IDE: variants seen among roughly 807,000 people sequenced by gnomAD.
IDE encodes insulin-degrading enzyme.
Under a neutral mutation model 133.2 loss-of-function variants are expected in IDE, and 58 were observed. The observed-to-expected ratio is 0.44, with a 90% CI of 0.35 to 0.54. The LOEUF is 0.54. IDE is among the 20% of genes least tolerant of loss of function. IDE has a pLI of 0.00. For missense variants in IDE, 981 were observed against 1,234.0 expected (o/e 0.79, Z 3.07); for synonymous variants, 396 against 421.3 (o/e 0.94, Z 0.73).
At chr10:92,463,505 GTAGATCCAGGTC>G (rs1164431132) in intron 21 of IDE, among the ~76,000 whole-genome samples, 3 of 152,116 alleles carry the variant, frequency 2.0e-5, no homozygotes, top group Non-Finnish European at 2.9e-5. Flanking sequence ...TGAGATATGG[GTAGATCCAGGTC>G]TAGGTTTGGA....
intron 1 of IDE, among the ~76,000 whole-genome samples, chr10:92,560,589 C>T (rs1005774167): frequency 5.9e-5 from 9 of 151,852 alleles, no homozygotes; most frequent in Non-Finnish European, 2.9e-5. Context: ...TCAAGACGAG[C>T]CTGTTCAACA....
intron 1 of IDE, among the ~76,000 whole-genome samples, chr10:92,568,824 A>AT (rs1349246188): frequency 1.1e-4 from 16 of 149,254 alleles, no homozygotes; most frequent in African/African-American, 3.9e-4. Flanking sequence ...TCAAAAAAAA[A>AT]AATAATAATA....
At chr10:92,565,136 A>G (rs1305933706) in intron 1 of IDE, among the ~76,000 whole-genome samples, 1 of 151,252 alleles carries the variant, frequency 6.6e-6, no homozygotes, top group African/African-American at 2.4e-5. Context: ...AATTCCAGCT[A>G]CTCAGGAGGA....
chr10:92,530,271 T>TA (rs1303112410), intron 4 of IDE, among the ~76,000 whole-genome samples: 1 of 150,896 alleles, frequency 6.6e-6, no homozygotes, highest in East Asian at 2.0e-4. Context: ...CATTTGAATG[T>TA]AATGCTTTTG....
At chr10:92,462,621 TA>T (rs1284270907) in intron 21 of IDE, among the ~76,000 whole-genome samples, 1 of 151,942 alleles carries the variant, frequency 6.6e-6, no homozygotes, top group Non-Finnish European at 1.5e-5. Flanking sequence ...AAAAAAATAA[TA>T]AGTGGATGTA....
intron 5 of IDE, 53 bp from the exon 6 acceptor site, chr10:92,510,215 C>G: frequency 1.1e-6 from 1 of 895,016 alleles, no homozygotes; most frequent in Non-Finnish European, 1.8e-6. Flanking sequence ...TAACATCCAA[C>G]AGGGAGTGCT....
At chr10:92,535,346 G>T (rs567662872) in intron 2 of IDE, among the ~76,000 whole-genome samples, 1 of 152,094 alleles carries the variant, frequency 6.6e-6, no homozygotes, top group Admixed American at 6.6e-5. Context: ...CTCGTGATCC[G>T]CCAGCCTCGG....
chr10:92,494,048 A>T (rs1847535444), intron 11 of IDE, among the ~76,000 whole-genome samples: 1 of 152,138 alleles, frequency 6.6e-6, no homozygotes, highest in Admixed American at 6.6e-5. Context: ...GTAGCATTTT[A>T]GACCATCTGC....
intron 4 of IDE, among the ~76,000 whole-genome samples, chr10:92,522,232 C>T (rs1194444106): frequency 6.6e-6 from 1 of 152,152 alleles, no homozygotes; most frequent in African/African-American, 2.4e-5. Context: ...ATTGGGTTCT[C>T]TTTTTCTATT....
chr10:92,524,417 TTA>T (rs1333572045), intron 4 of IDE, among the ~76,000 whole-genome samples: 3 of 76,864 alleles, frequency 3.9e-5, no homozygotes, highest in East Asian at 2.9e-4. Flanking sequence ...ATATATTATA[TTA>T]TATATAATAT....
chr10:92,567,359 C>G (rs1843603762), intron 1 of IDE, among the ~76,000 whole-genome samples: 1 of 152,208 alleles, frequency 6.6e-6, no homozygotes, highest in Non-Finnish European at 1.5e-5. Context: ...TCAGGCTTCT[C>G]TGACTCCCAC....
At position 92,470,299 on chromosome 10, in the gene IDE, T is replaced by C. The variant is rs758275839; in HGVS notation, c.2163A>G (p.Ser721=). The change falls in exon 18 of 25, where the codon TCA becomes TCG. Residue 721 remains serine (S), a synonymous_variant. Transcript: ENST00000265986. The part of the protein sequence containing the change: ...RLKAFIPQLL[S]RLHIEALLHG... ...GGAGAAGGGCTTCAATGTGCAGCCG[T>C]GACAGGAGCTGAGGTATGAAGGCCT... 5.6e-6 allele frequency: 9 copies of C among 1,606,128 alleles called. No individual in the cohort carries two copies. The highest frequency in any genetic ancestry group is 7.7e-6 in the Non-Finnish European group (9 of 1,175,882).
intron 9 of IDE, among the ~76,000 whole-genome samples, chr10:92,507,053 ACC>A (rs1281263683): frequency 6.6e-6 from 1 of 151,668 alleles, no homozygotes; most frequent in Admixed American, 6.6e-5. Context: ...ATTTTTAAAA[ACC>A]CTTTTTTAAA....
At chr10:92,562,691 C>T (rs537947844) in intron 1 of IDE, among the ~76,000 whole-genome samples, 1 of 152,096 alleles carries the variant, frequency 6.6e-6, no homozygotes, top group Non-Finnish European at 1.5e-5. Flanking sequence ...TGGCCATCAG[C>T]AGAGCATACA....
At chr10:92,530,018 G>A (rs1201509981) in intron 4 of IDE, among the ~76,000 whole-genome samples, 2 of 152,042 alleles carry the variant, frequency 1.3e-5, no homozygotes, top group Non-Finnish European at 2.9e-5. Flanking sequence ...CTGAGATCAG[G>A]ATTTTGAGAC....
chr10:92,508,646 A>C lies in IDE; in HGVS notation c.1060+82T>G, dbSNP rs890547377. ...TGGTCACATCTAACAATGTTCCTTC[A>C]TAGGACACTATTCAGGAGAAAATGA... On this transcript the variant is annotated intron_variant, in intron 7 of 24. Coordinates refer to ENST00000265986, the MANE Select transcript of IDE (RefSeq NM_004969.4). 8 of 1,309,172 alleles carry C rather than the reference A, an allele frequency of 6.1e-6. 1 individual carries two copies. In the African/African-American group the frequency reaches 1.2e-4, roughly 19 times the overall value. 81.1% of individuals were successfully genotyped at this position (1,309,172 alleles called of 1,614,324 possible).
intron 22 of IDE, 39 bp downstream of exon 22, chr10:92,461,152 T>G: frequency 1.0e-6 from 1 of 1,001,572 alleles, no homozygotes; most frequent in Non-Finnish European, 1.6e-6. Context: ...TATAATACTT[T>G]CATATCAGTC....
At chr10:92,559,287 C>T (rs1320296818) in intron 1 of IDE, 1 of 152,178 alleles carries the variant, frequency 6.6e-6, no homozygotes, top group African/African-American at 2.4e-5. Flanking sequence ...CCAAGAGAAA[C>T]GAAAATAAGT....
At chr10:92,515,856 G>A (rs1285985163) in intron 4 of IDE, among the ~76,000 whole-genome samples, 4 of 148,560 alleles carry the variant, frequency 2.7e-5, no homozygotes, top group Admixed American at 1.4e-4. Flanking sequence ...CACCAAGCCC[G>A]GCCTAAAAGT....
Sources: allele counts gnomAD v4.1 joint callset (sites outside exome capture counted in the v4.1 genomes callset), GRCh38; gene constraint gnomAD v4.1.1; transcripts MANE v1.5; gene names NCBI Gene and HGNC (gene_info 2026-07-23, HGNC 2026-07-21).